Variants in EPB41L2 observed in about 807,000 individuals in gnomAD.
EPB41L2 encodes the protein band 4.1-like protein 2.
Under a neutral mutation model 113.0 loss-of-function variants are expected in EPB41L2, and 43 were observed. The ratio of observed to expected loss-of-function variants is 0.38; its 90% confidence interval spans 0.30 to 0.49. EPB41L2 has a LOEUF of 0.49. Ranked by LOEUF, EPB41L2 falls within the 20% of genes least tolerant of loss-of-function variation. The pLI, the probability that EPB41L2 is intolerant of heterozygous loss-of-function variation, is 0.95. For missense variants in EPB41L2, 1,147 were observed against 1,223.4 expected (o/e 0.94, Z 0.93); for synonymous variants, 442 against 436.7 (o/e 1.01, Z -0.15).
intron 3 of EPB41L2, among the ~76,000 whole-genome samples, chr6:130,927,811 G>T (rs898330632): frequency 6.6e-6 from 1 of 152,210 alleles, no homozygotes; most frequent in South Asian, 2.1e-4. Flanking sequence ...AGCAGTGTAA[G>T]GCCTGGCATG....
At chr6:130,911,253 T>C (rs996332941) in intron 4 of EPB41L2, among the ~76,000 whole-genome samples, 9 of 152,100 alleles carry the variant, frequency 5.9e-5, no homozygotes, top group Admixed American at 1.3e-4. Flanking sequence ...GAAACCATCA[T>C]TCTCAGCAAA....
chr6:130,964,076 C>A (rs1457554418), intron 1 of EPB41L2, among the ~76,000 whole-genome samples: 1 of 151,750 alleles, frequency 6.6e-6, no homozygotes, highest in Non-Finnish European at 1.5e-5. Flanking sequence ...GGCTGAAGTG[C>A]CATGGCATGA....
chr6:130,981,906 T>A lies in EPB41L2; in HGVS notation c.-14-25407A>T, dbSNP rs188041558. ...AATTATGCTAAAATATATAAAGATA[T>A]ACATTTTTAAAATTACTATTTATCA... On this transcript the variant is annotated intron_variant, in intron 1 of 19. Transcript: ENST00000337057. Among the ~76,000 whole-genome samples, 241 of 152,282 alleles carry A rather than the reference T, an allele frequency of 1.6e-3. 2 individuals carry two copies. The highest frequency in any genetic ancestry group is 5.5e-3 in the African/African-American group (230 of 41,588).
intron 18 of EPB41L2, among the ~76,000 whole-genome samples, chr6:130,863,120 C>G (rs1782672807): frequency 6.6e-6 from 1 of 152,164 alleles, no homozygotes. Flanking sequence ...AAAAAATTTT[C>G]AGAATCAATG....
At chr6:130,881,473 A>G (rs189446379) in intron 12 of EPB41L2, 1 of 152,226 alleles carries the variant, frequency 6.6e-6, no homozygotes, top group East Asian at 1.9e-4. Flanking sequence ...ACTTTTAACA[A>G]TTGTCCTACA....
At chr6:131,031,215 A>C (rs2128750721) in intron 1 of EPB41L2, among the ~76,000 whole-genome samples, 1 of 152,374 alleles carries the variant, frequency 6.6e-6, no homozygotes. Context: ...TATTCAACTT[A>C]AAAGCAAATT....
intron 3 of EPB41L2, among the ~76,000 whole-genome samples, chr6:130,953,034 G>C (rs1255792727): frequency 1.3e-5 from 2 of 149,536 alleles, no homozygotes; most frequent in East Asian, 1.9e-4. Flanking sequence ...GGGCATTCTA[G>C]ATGATCTAAA....
At chr6:131,008,180 G>A (rs549305210) in intron 1 of EPB41L2, among the ~76,000 whole-genome samples, 14 of 152,356 alleles carry the variant, frequency 9.2e-5, no homozygotes, top group African/African-American at 2.6e-4. Context: ...AGGGTCCCCT[G>A]CTCTGTGCAG....
chr6:131,033,274 G>A (rs1023823835), intron 1 of EPB41L2, among the ~76,000 whole-genome samples: 2 of 152,136 alleles, frequency 1.3e-5, no homozygotes, highest in South Asian at 2.1e-4. Context: ...AGGAAAGAAG[G>A]AAGGAAGGAA....
Position 130,920,199 on chromosome 6 carries a change from A to G in EPB41L2, c.810+6406T>C, listed in dbSNP as rs139951583. Among the ~76,000 whole-genome samples, 40 of 152,292 alleles carry G rather than the reference A, an allele frequency of 2.6e-4. No individual in the cohort carries two copies. The East Asian group carries it at 7.5e-3, about 29-fold the overall frequency. On this transcript the variant is annotated intron_variant, in intron 4 of 19. Coordinates refer to ENST00000337057, the MANE Select transcript of EPB41L2 (RefSeq NM_001431.4). ...CCAAAACTCTCAGTCAACTGTCACCACTGTGCAATATGATAGCCACTGGTC... is the reference window on the plus strand; with the variant it reads ...CCAAAACTCTCAGTCAACTGTCACCGCTGTGCAATATGATAGCCACTGGTC...
intron 8 of EPB41L2, 25 bp from the exon 9 acceptor site, chr6:130,895,144 A>T: frequency 6.3e-7 from 1 of 1,590,146 alleles, no homozygotes; most frequent in Non-Finnish European, 8.6e-7. Context: ...CCAATTAACC[A>T]TGGTTAAGAG....
chr6:130,964,907 A>G (rs1290742651), intron 1 of EPB41L2, among the ~76,000 whole-genome samples: 2 of 152,242 alleles, frequency 1.3e-5, no homozygotes, highest in African/African-American at 2.4e-5. Context: ...CAGGCCGTCC[A>G]GCTCTAAAGA....
At chr6:130,929,181 G>A (rs555517310) in intron 3 of EPB41L2, among the ~76,000 whole-genome samples, 2 of 152,164 alleles carry the variant, frequency 1.3e-5, no homozygotes, top group African/African-American at 2.4e-5. Flanking sequence ...TTGAGAGAGC[G>A]ATGTACAAAG....
chr6:130,844,016 G>C (rs766401382), intron 19 of EPB41L2, among the ~76,000 whole-genome samples: 2 of 152,142 alleles, frequency 1.3e-5, no homozygotes, highest in Non-Finnish European at 2.9e-5. Flanking sequence ...TCTCAATCTT[G>C]AGTGCTCTAC....
intron 6 of EPB41L2, among the ~76,000 whole-genome samples, chr6:130,902,003 C>T (rs1796426092): frequency 6.6e-6 from 1 of 152,332 alleles, no homozygotes; most frequent in South Asian, 2.1e-4. Context: ...AATGCAGAAA[C>T]ATGTCATATA....
chr6:130,866,002 T>C (rs560772678), intron 16 of EPB41L2, among the ~76,000 whole-genome samples: 2 of 152,330 alleles, frequency 1.3e-5, no homozygotes, highest in Admixed American at 6.5e-5. Context: ...GCTGAGTTTG[T>C]TGTTTTTTAA....
chr6:130,857,897 A>G (rs946316264), intron 19 of EPB41L2, among the ~76,000 whole-genome samples: 14 of 152,284 alleles, frequency 9.2e-5, no homozygotes, highest in African/African-American at 2.9e-4. Flanking sequence ...GCAATATATG[A>G]ATGTCAATCA....
At chr6:130,919,892 C>T (rs1802329786) in intron 4 of EPB41L2, among the ~76,000 whole-genome samples, 2 of 152,186 alleles carry the variant, frequency 1.3e-5, no homozygotes, top group Non-Finnish European at 2.9e-5. Context: ...CTTCTCTTGT[C>T]CCACTGCTAC....
chr6:130,955,324 A>AG lies in EPB41L2; in HGVS notation c.493-8dup. ...TACTTACTAATTCAGTAGGCTGTTG[A>AG]GGAAAAAAAAATAAATTCATACTAT... On this transcript the variant is annotated splice_region_variant and splice_polypyrimidine_tract_variant and intron_variant, in intron 2 of 19. Coordinates refer to ENST00000337057, the MANE Select transcript of EPB41L2 (RefSeq NM_001431.4). 17 of 1,574,628 alleles carry AG rather than the reference A, an allele frequency of 1.1e-5. No homozygotes were observed. Among genetic ancestry groups the AG allele is most frequent in the Non-Finnish European group, 1.5e-5 (17 of 1,171,468 alleles).
Sources: allele counts gnomAD v4.1 joint callset (sites outside exome capture counted in the v4.1 genomes callset), GRCh38; gene constraint gnomAD v4.1.1; transcripts MANE v1.5; gene names NCBI Gene and HGNC (gene_info 2026-07-23, HGNC 2026-07-21).